Variants in ATP13A4 observed in about 807,000 individuals in gnomAD.
The protein encoded by ATP13A4 is probable cation-transporting ATPase 13A4.
In ATP13A4, 114 loss-of-function variants were observed where a neutral mutation model predicts 142.5. That is an observed-to-expected ratio of 0.80 (90% CI 0.69 to 0.93). ATP13A4 has a LOEUF of 0.93. Ranked by LOEUF, ATP13A4 falls within the 40% of genes least tolerant of loss-of-function variation. The probability of loss-of-function intolerance (pLI) is 0.00; values close to 1 mark genes in which losing one functional copy is unlikely to be tolerated. For synonymous variants in ATP13A4, 488 were observed against 514.8 expected (o/e 0.95, Z 0.70); for missense variants, 1,392 against 1,454.0 (o/e 0.96, Z 0.69).
chr3:193,459,061 T>C lies in ATP13A4; in HGVS notation c.1674+20A>G. 1 of 1,614,072 alleles carries C rather than the reference T, an allele frequency of 6.2e-7. No individual in the cohort carries two copies. The highest frequency in any genetic ancestry group is 8.5e-7 in the Non-Finnish European group (1 of 1,179,884). ...GGCATTGAAGAAGCTTCTCAGATTC[T>C]CTGAAGAGCAGAGGCTTACCCAGGT... On this transcript the variant is annotated intron_variant, in intron 14 of 29. Transcript: ENST00000342695.
intron 18 of ATP13A4, among the ~76,000 whole-genome samples, chr3:193,444,413 A>G (rs759663860): frequency 3.9e-5 from 6 of 152,342 alleles, no homozygotes; most frequent in East Asian, 1.9e-4. Context: ...TTGACAGTGG[A>G]CATGCTCAAA....
intron 2 of ATP13A4, among the ~76,000 whole-genome samples, chr3:193,573,276 C>T (rs868331469): frequency 0.013 from 985 of 77,334 alleles, 10 homozygotes; most frequent in African/African-American, 0.035. Flanking sequence ...TATATATATA[C>T]ATATATATAT....
chr3:193,475,467 A>G (rs2108651819), intron 8 of ATP13A4, among the ~76,000 whole-genome samples: 1 of 152,016 alleles, frequency 6.6e-6, no homozygotes, highest in East Asian at 1.9e-4. Context: ...TGTATTTTGT[A>G]TATGTAATAT....
intron 3 of ATP13A4, among the ~76,000 whole-genome samples, chr3:193,501,615 T>C (rs1577027878): frequency 6.8e-6 from 1 of 146,156 alleles, no homozygotes. Flanking sequence ...GACAACTGGG[T>C]GATAACAATT....
At chr3:193,462,885 C>T in intron 12 of ATP13A4, 62 bp from the exon 13 acceptor site, 2 of 1,540,214 alleles carry the variant, frequency 1.3e-6, no homozygotes, top group Admixed American at 3.4e-5. Flanking sequence ...TGGCTCATGC[C>T]TGTAATCCCA....
intron 2 of ATP13A4, among the ~76,000 whole-genome samples, chr3:193,513,287 C>T (rs1721233324): frequency 6.6e-6 from 1 of 152,206 alleles, no homozygotes; most frequent in Admixed American, 6.5e-5. Flanking sequence ...AGGCTGATTG[C>T]TATCCTTCTC....
At chr3:193,543,486 C>G (rs1723054913) in intron 1 of ATP13A4, among the ~76,000 whole-genome samples, 1 of 152,152 alleles carries the variant, frequency 6.6e-6, no homozygotes, top group Non-Finnish European at 1.5e-5. Context: ...GCAGAAACCA[C>G]TAAGAATAAG....
At chr3:193,474,728 AAGAG>A (rs748017419) in intron 8 of ATP13A4, among the ~76,000 whole-genome samples, 2 of 120,950 alleles carry the variant, frequency 1.7e-5, no homozygotes, top group African/African-American at 3.3e-5. Flanking sequence ...GAGAGAAAGA[AAGAG>A]AAAGAAAGAA....
intron 19 of ATP13A4, among the ~76,000 whole-genome samples, chr3:193,441,822 G>C (rs1170906651): frequency 6.6e-6 from 1 of 152,134 alleles, no homozygotes; most frequent in African/African-American, 2.4e-5. Context: ...TTTGATCTTG[G>C]TGAGTCCCAG....
intron 3 of ATP13A4, among the ~76,000 whole-genome samples, chr3:193,497,844 C>T (rs1200874627): frequency 6.6e-6 from 1 of 152,106 alleles, no homozygotes; most frequent in Non-Finnish European, 1.5e-5. Context: ...GGATCTTACT[C>T]ATTTGTGAAA....
intron 3 of ATP13A4, among the ~76,000 whole-genome samples, chr3:193,494,074 T>C (rs374410723): frequency 9.9e-5 from 15 of 152,094 alleles, no homozygotes; most frequent in Non-Finnish European, 1.8e-4. Flanking sequence ...GTCAACTCAG[T>C]AAGAGATTAA....
At chr3:193,436,655 T>C (rs1230271241) in intron 23 of ATP13A4, among the ~76,000 whole-genome samples, 1 of 151,604 alleles carries the variant, frequency 6.6e-6, no homozygotes, top group East Asian at 2.0e-4. Context: ...TTTCATCACG[T>C]TGGCCAAGCT....
chr3:193,414,492 A>C lies in ATP13A4; in HGVS notation c.3014+87T>G, dbSNP rs1714944934. ...AAAGCCAAAACCTTTGGCAGAATGA[A>C]GACCCATGTGCCTCCCATCATATTG... On this transcript the variant is annotated intron_variant, in intron 26 of 29. Coordinates refer to ENST00000342695, the MANE Select transcript of ATP13A4 (RefSeq NM_032279.4). The C allele has an allele frequency of 3.3e-6, 5 of 1,495,860 alleles. No homozygotes were observed. The African/African-American group carries it at 5.6e-5, about 17-fold the overall frequency. The allele number at this position is 1,495,860 out of a possible 1,614,324, so 92.7% of individuals were successfully genotyped here.
intron 9 of ATP13A4, 68 bp from the exon 10 acceptor site, chr3:193,467,554 C>T: frequency 1.3e-6 from 2 of 1,495,266 alleles, no homozygotes; most frequent in Non-Finnish European, 1.9e-6. Context: ...TGCCTGCACC[C>T]ACTCATCATA....
rs985929494 is a variant in ATP13A4, at chr3:193,457,546, A to G, written c.1675-81T>C. 11 of 1,324,184 alleles carry G rather than the reference A, an allele frequency of 8.3e-6. No homozygotes were observed. The African/African-American group carries it at 1.6e-4, about 19-fold the overall frequency. The allele number at this position is 1,324,184 out of a possible 1,614,324, so 82.0% of individuals were successfully genotyped here. ...ATGCTATGCTTGAACCCTCCCCTTG[A>G]GAAGATCCTCAGACCACCTCAATGT... is the stretch of plus-strand genomic sequence containing the variant. On this transcript the variant is annotated intron_variant, in intron 14 of 29. Transcript: ENST00000342695.
chr3:193,455,231 C>T (rs372023801), intron 16 of ATP13A4, among the ~76,000 whole-genome samples: 6 of 151,114 alleles, frequency 4.0e-5, no homozygotes, highest in African/African-American at 1.5e-4. Context: ...GTCCCAACTA[C>T]TAGGAGGGCT....
At chr3:193,501,993 G>A (rs1008169898) in intron 3 of ATP13A4, among the ~76,000 whole-genome samples, 1 of 151,872 alleles carries the variant, frequency 6.6e-6, no homozygotes, top group Admixed American at 6.6e-5. Flanking sequence ...TGGGCTGGGC[G>A]GTACATGCCT....
intron 25 of ATP13A4, among the ~76,000 whole-genome samples, chr3:193,418,448 T>G (rs1226637604): frequency 1.3e-5 from 2 of 148,368 alleles, no homozygotes; most frequent in African/African-American, 5.0e-5. Context: ...TAAACGAGAG[T>G]GTCAGAATAC....
intron 25 of ATP13A4, among the ~76,000 whole-genome samples, chr3:193,428,285 G>A (rs1027064923): frequency 4.0e-5 from 6 of 151,192 alleles, no homozygotes; most frequent in Non-Finnish European, 7.4e-5. Flanking sequence ...AGAAAGTCAG[G>A]AAACAACAGG....
Sources: allele counts gnomAD v4.1 joint callset (sites outside exome capture counted in the v4.1 genomes callset), GRCh38; gene constraint gnomAD v4.1.1; transcripts MANE v1.5; gene names NCBI Gene and HGNC (gene_info 2026-07-23, HGNC 2026-07-21).